PCDH15: variants seen among roughly 807,000 people sequenced by gnomAD.
PCDH15 encodes the protein protocadherin related 15.
Under a neutral mutation model 178.5 loss-of-function variants are expected in PCDH15, and 129 were observed. The ratio of observed to expected loss-of-function variants is 0.72; its 90% CI spans 0.63 to 0.84. The LOEUF is 0.84. Ranked by LOEUF, PCDH15 falls within the 40% of genes least tolerant of loss-of-function variation. PCDH15 has a pLI of 0.00. For missense variants in PCDH15, 2,230 were observed against 2,099.9 expected (o/e 1.06, Z -1.21); for synonymous variants, 800 against 732.0 (o/e 1.09, Z -1.50).
At chr10:55,012,766 C>T (rs994132691) in intron 2 of PCDH15, among the ~76,000 whole-genome samples, 3 of 152,010 alleles carry the variant, frequency 2.0e-5, no homozygotes, top group African/African-American at 7.2e-5. Flanking sequence ...TACATTTTAA[C>T]ATATGTCAGG....
At chr10:54,874,054 A>T (rs7913747) in intron 3 of PCDH15, among the ~76,000 whole-genome samples, 4 of 82,326 alleles carry the variant, frequency 4.9e-5, no homozygotes, top group Non-Finnish European at 6.6e-5. Context: ...CATGTGCCAT[A>T]CTGGTGCGCT....
chr10:55,306,796 G>A (rs944806438), intron 1 of PCDH15, among the ~76,000 whole-genome samples: 5 of 152,152 alleles, frequency 3.3e-5, no homozygotes, highest in African/African-American at 1.2e-4. Context: ...GTATGAACAT[G>A]TTTGCATTCA....
At chr10:54,122,526 T>A (rs2041623905) in intron 15 of PCDH15, among the ~76,000 whole-genome samples, 1 of 143,438 alleles carries the variant, frequency 7.0e-6, no homozygotes, top group African/African-American at 3.0e-5. Flanking sequence ...ATGTTAAACT[T>A]TTTTTTTCAT....
chr10:53,899,279 G>A (rs907515016), intron 26 of PCDH15, among the ~76,000 whole-genome samples: 1 of 151,604 alleles, frequency 6.6e-6, no homozygotes, highest in African/African-American at 2.4e-5. Context: ...TAGAACCTAA[G>A]TTTTTAAGTA....
At chr10:54,904,267 T>C (rs1349336151) in intron 2 of PCDH15, among the ~76,000 whole-genome samples, 1 of 152,090 alleles carries the variant, frequency 6.6e-6, no homozygotes, top group African/African-American at 2.4e-5. Context: ...ATTTTAACTT[T>C]GCATCTTAAG....
intron 2 of PCDH15, among the ~76,000 whole-genome samples, chr10:55,097,944 C>T (rs1166819451): frequency 1.3e-5 from 2 of 152,024 alleles, no homozygotes; most frequent in Non-Finnish European, 2.9e-5. Flanking sequence ...CAGCACTCAA[C>T]ACTACCCTTA....
In PCDH15 at chr10:54,542,790, C is replaced by G. The variant is rs188219279; in HGVS notation, c.92-14913G>C. On this transcript the variant is annotated intron_variant, in intron 2 of 37. Transcript: ENST00000644397. ...TGCTGAGTGGAGAAGGGCGTGGTCC[C>G]TGGCTAGGGCTCCATAGGTGAAGAC... Among the ~76,000 whole-genome samples, 128 of 152,224 alleles carry G rather than the reference C, an allele frequency of 8.4e-4. 1 individual carries two copies. The highest frequency in any genetic ancestry group is 3.0e-3 in the African/African-American group (125 of 41,558).
At chr10:54,221,714 C>T (rs574284665) in intron 9 of PCDH15, among the ~76,000 whole-genome samples, 28 of 152,026 alleles carry the variant, frequency 1.8e-4, no homozygotes, top group African/African-American at 6.0e-4. Flanking sequence ...GCAATTCTCC[C>T]GCCTCAACCC....
At chr10:54,040,413 T>A (rs1387792881) in intron 18 of PCDH15, among the ~76,000 whole-genome samples, 1 of 152,006 alleles carries the variant, frequency 6.6e-6, no homozygotes, top group Non-Finnish European at 1.5e-5. Flanking sequence ...ATGTAAGACG[T>A]GCCTTTTACT....
chr10:54,180,325 T>C (rs1456873254), intron 13 of PCDH15, among the ~76,000 whole-genome samples: 1 of 152,176 alleles, frequency 6.6e-6, no homozygotes, highest in Non-Finnish European at 1.5e-5. Context: ...TATAACCAAC[T>C]CATTTGCTCC....
At chr10:54,396,514 G>T (rs531281700) in intron 3 of PCDH15, among the ~76,000 whole-genome samples, 40 of 152,104 alleles carry the variant, frequency 2.6e-4, no homozygotes, top group African/African-American at 9.4e-4. Context: ...CTTCCAAATA[G>T]CTATTTAGTA....
chr10:53,965,926 C>T (rs1048512390), intron 21 of PCDH15, among the ~76,000 whole-genome samples: 1 of 152,000 alleles, frequency 6.6e-6, no homozygotes, highest in Non-Finnish European at 1.5e-5. Flanking sequence ...AGAAAACATG[C>T]TGGTATTATG....
At chr10:54,691,572 C>G (rs371593959) in intron 1 of PCDH15, among the ~76,000 whole-genome samples, 22 of 151,452 alleles carry the variant, frequency 1.5e-4, no homozygotes, top group South Asian at 4.2e-4. Context: ...AGCCAGAGCA[C>G]TGAAATGGCT....
At chr10:54,381,058 CA>C (rs1476695216) in intron 3 of PCDH15, among the ~76,000 whole-genome samples, 1 of 144,724 alleles carries the variant, frequency 6.9e-6, no homozygotes, top group Non-Finnish European at 1.5e-5. Context: ...TTTGTATTGC[CA>C]AAAAGAAAAA....
chr10:54,747,300 G>A (rs1177243686), intron 1 of PCDH15, among the ~76,000 whole-genome samples: 1 of 152,188 alleles, frequency 6.6e-6, no homozygotes, highest in Non-Finnish European at 1.5e-5. Flanking sequence ...AATCACAGCA[G>A]TCTCAGGTCT....
chr10:54,078,202 A>G (rs2094375718), intron 17 of PCDH15, among the ~76,000 whole-genome samples: 1 of 152,130 alleles, frequency 6.6e-6, no homozygotes, highest in South Asian at 2.1e-4. Flanking sequence ...ATGTATAAGT[A>G]TGTTTATTTA....
chr10:55,599,969 G>A (rs545394640), intron 2 of PCDH15: 40 of 1,497,860 alleles, frequency 2.7e-5, no homozygotes, highest in Middle Eastern at 4.8e-4. Flanking sequence ...GAAGAGGCGG[G>A]TATAAATAAA....
At chr10:55,095,671 C>T (rs1842433526) in intron 2 of PCDH15, among the ~76,000 whole-genome samples, 2 of 152,018 alleles carry the variant, frequency 1.3e-5, no homozygotes, top group South Asian at 4.1e-4. Context: ...AAATAGCTTT[C>T]TAGGCCAAGT....
At chr10:54,172,335 C>G (rs1318191677) in intron 13 of PCDH15, among the ~76,000 whole-genome samples, 3 of 151,962 alleles carry the variant, frequency 2.0e-5, no homozygotes, top group Non-Finnish European at 2.9e-5. Context: ...GAGAACAAAC[C>G]CCCTTTGAAT....
Sources: allele counts gnomAD v4.1 joint callset (sites outside exome capture counted in the v4.1 genomes callset), GRCh38; gene constraint gnomAD v4.1.1; transcripts MANE v1.5; gene names NCBI Gene and HGNC (gene_info 2026-07-23, HGNC 2026-07-21).